VAV2: variants seen among roughly 807,000 people sequenced by gnomAD.
The protein encoded by VAV2 is vav guanine nucleotide exchange factor 2, also known as guanine nucleotide exchange factor VAV2.
In VAV2, 67 loss-of-function variants were observed where a neutral mutation model predicts 132.5. That is an observed-to-expected ratio of 0.51 (90% CI 0.42 to 0.62). The LOEUF (loss-of-function observed/expected upper bound fraction) is 0.62, where lower values mean the gene tolerates loss of function less well. Among genes scored for constraint, VAV2 ranks in the 20% least tolerant of loss-of-function variants. The pLI is 0.00. For missense variants in VAV2, 938 were observed against 1,153.6 expected, an observed-to-expected ratio of 0.81 and a Z score of 2.71; for synonymous variants, 492 against 443.5, an observed-to-expected ratio of 1.11 and a Z score of -1.37.
At chr9:133,795,828 C>G in intron 11 of VAV2, 92 bp from the exon 12 acceptor site, 3 of 1,432,064 alleles carry the variant, frequency 2.1e-6, no homozygotes, top group Non-Finnish European at 2.9e-6. Context: ...TGCACAGAAC[C>G]AAGTCCTCAG....
At chr9:133,871,687 G>T (rs562805515) in intron 2 of VAV2, among the ~76,000 whole-genome samples, 1 of 152,222 alleles carries the variant, frequency 6.6e-6, no homozygotes, top group South Asian at 2.1e-4. Context: ...TAATGGTGGG[G>T]GGTCCCAACC....
chr9:133,769,645 G>A lies in VAV2; in HGVS notation c.2348-142C>T. 1.2e-6 allele frequency: 1 copy of A among 846,790 alleles called. No homozygotes were observed. The highest frequency in any genetic ancestry group is 1.8e-5 in the South Asian group (1 of 56,552). The allele number at this position is 846,790 out of a possible 1,614,324, so 52.5% of individuals were successfully genotyped here. A position where few individuals can be genotyped will look rare whatever the true frequency, so the allele number is the denominator to read the frequency against. ...CCCTACAGGGGGGCAAAGGAGGCAG[G>A]GGGCAGCACGGGTTGTCAAGCCCCA... On this transcript the variant is annotated intron_variant, in intron 27 of 29. Transcript: ENST00000371850. This position sits in a 1 kb window ranked among gnomAD's most constrained non-coding sequence, Gnocchi z 8.1.
intron 2 of VAV2, among the ~76,000 whole-genome samples, chr9:133,882,757 G>A (rs561468708): frequency 1.1e-4 from 17 of 152,264 alleles, no homozygotes; most frequent in African/African-American, 3.6e-4. Flanking sequence ...CAAACACAGC[G>A]CTCAGCCCTT....
chr9:133,806,201 T>C lies in VAV2; in HGVS notation c.736-20A>G. ...CAGGTCCTGGGTTGAAAACCAGCCG[T>C]GAGTGCCTGGCCAGGCCCACCCAAG... On this transcript the variant is annotated intron_variant, in intron 8 of 29. Coordinates refer to ENST00000371850, the MANE Select transcript of VAV2 (RefSeq NM_001134398.2). The C allele has an allele frequency of 1.9e-6, 3 of 1,605,432 alleles. No homozygotes were observed. Among genetic ancestry groups the C allele is most frequent in the Non-Finnish European group, 2.5e-6 (3 of 1,176,634 alleles).
chr9:133,949,580 G>A, intron 1 of VAV2, among the ~76,000 whole-genome samples: 1 of 152,164 alleles, frequency 6.6e-6, no homozygotes, highest in East Asian at 1.9e-4. Context: ...CGAATGGCGG[G>A]TCACCTGCTC....
In VAV2 at chr9:133,764,005, T is replaced by C. The variant is rs1325091807; in HGVS notation, c.*57A>G. 6.2e-7 allele frequency: 1 copy of C among 1,604,568 alleles called. No homozygotes were observed. The highest frequency in any genetic ancestry group is 8.5e-7 in the Non-Finnish European group (1 of 1,171,566). On this transcript the variant is annotated 3_prime_UTR_variant, in exon 30 of 30. Transcript: ENST00000371850. ...GTCACAGAGGAGCTAGAGACAGACT[T>C]CAGGGCTGGAGTGACTCTCCCAAGA...
At chr9:133,904,585 A>G (rs956605158) in intron 2 of VAV2, among the ~76,000 whole-genome samples, 25 of 152,390 alleles carry the variant, frequency 1.6e-4, no homozygotes, top group African/African-American at 5.8e-4. Flanking sequence ...GCACGTGGGC[A>G]CAGGCATGCA....
In VAV2 at chr9:133,824,964, C is replaced by A. The variant is rs1835927941; in HGVS notation, c.449+9308G>T. Among the ~76,000 whole-genome samples, 1 of 152,220 alleles carries A rather than the reference C, an allele frequency of 6.6e-6. No individual in the cohort carries two copies. The highest frequency in any genetic ancestry group is 2.4e-5 in the African/African-American group (1 of 41,458). On this transcript the variant is annotated intron_variant, in intron 4 of 29. Coordinates refer to ENST00000371850, the MANE Select transcript of VAV2 (RefSeq NM_001134398.2). This position sits in a 1 kb window ranked among gnomAD's most constrained non-coding sequence, Gnocchi z 5.2. ...TCCGGGGACGCTGGCTTCATTCACT[C>A]CATTCTGCCAGTCCCCACAGAGGCC...
chr9:133,820,662 G>A (rs1835752777), intron 4 of VAV2, among the ~76,000 whole-genome samples: 1 of 152,136 alleles, frequency 6.6e-6, no homozygotes, highest in Non-Finnish European at 1.5e-5. Context: ...GGTGACACAC[G>A]GCCAGTCTCA....
chr9:133,895,019 G>A (rs770164490), intron 2 of VAV2, among the ~76,000 whole-genome samples: 13 of 151,940 alleles, frequency 8.6e-5, no homozygotes, highest in Non-Finnish European at 1.5e-4. Flanking sequence ...TCTGAAGATC[G>A]CGTGGGGGGC....
rs370424459 is a variant in VAV2, at chr9:133,788,411, G to A, written c.1350C>T (p.Ile450=). 307 of 1,612,348 alleles carry A rather than the reference G, an allele frequency of 1.9e-4. 1 individual carries two copies. The highest frequency in any genetic ancestry group is 3.3e-4 in the Middle Eastern group (2 of 6,054). ...CGGTCATCTTGTGGAACAGCAGCTCGATGATCTCCTTGAGCTCGTAGCTGT... is the reference window on the plus strand; with the variant it reads ...CGGTCATCTTGTGGAACAGCAGCTCAATGATCTCCTTGAGCTCGTAGCTGT... ...KGYSYELKEI[I]ELLFHKMTDD... The change falls in exon 15 of 30, where the codon ATC becomes ATT. Residue 450 remains isoleucine (I), a synonymous_variant. Transcript: ENST00000371850. This position sits in a 1 kb window ranked among gnomAD's most constrained non-coding sequence, Gnocchi z 5.3.
Position 133,833,607 on chromosome 9 carries a change from C to T in VAV2, c.449+665G>A, listed in dbSNP as rs552896354. 6.6e-6 allele frequency among the ~76,000 whole-genome samples: 1 copy of T among 152,270 alleles called. No individual in the cohort carries two copies. Among genetic ancestry groups the T allele is most frequent in the African/African-American group, 2.4e-5 (1 of 41,556 alleles). On this transcript the variant is annotated intron_variant, in intron 4 of 29. Transcript: ENST00000371850. The surrounding 1 kb of genome is among the most constrained non-coding windows in gnomAD (Gnocchi z 5.6). ...CCCTCACCTGCAGGTGAGGCCCCTT[C>T]CTCCTACCCTCCTACCTCCCTCCTC... is the stretch of plus-strand genomic sequence containing the variant.
At chr9:133,784,294 C>T (rs1245606673) in intron 18 of VAV2, 23 bp downstream of exon 18, 1 of 1,609,718 alleles carries the variant, frequency 6.2e-7, no homozygotes, top group Admixed American at 1.7e-5. Context: ...GAGGTGAGGG[C>T]TGTAGCAGGG....
intron 1 of VAV2, among the ~76,000 whole-genome samples, chr9:133,956,699 G>A (rs1588168714): frequency 6.6e-6 from 1 of 152,214 alleles, no homozygotes; most frequent in Non-Finnish European, 1.5e-5. Flanking sequence ...CAGAGCACCA[G>A]GGGGCGAGGG....
intron 1 of VAV2, among the ~76,000 whole-genome samples, chr9:133,979,289 T>C (rs141737749): frequency 2.3e-4 from 35 of 152,066 alleles, no homozygotes; most frequent in African/African-American, 6.0e-4. Context: ...GAATGCAGGG[T>C]CCAGAGAGGC....
Position 133,992,101 on chromosome 9 carries a change from T to A in VAV2, c.178A>T (p.Ile60Phe). 6.3e-7 allele frequency: 1 copy of A among 1,583,312 alleles called. No homozygotes were observed. Among genetic ancestry groups the A allele is most frequent in the Non-Finnish European group, 8.6e-7 (1 of 1,166,120 alleles). ...LSPGSIDLKD[I>F]NFRPQMSQFL... ...TGGGACATCTGCGGCCGGAAGTTGA[T>A]GTCCTTGAGGTCGATGGAGCCGGGG... The change falls in exon 1 of 30, where the codon ATC becomes TTC. Residue 60 changes from isoleucine (I) to phenylalanine (F), a missense_variant. Coordinates refer to ENST00000371850, the MANE Select transcript of VAV2 (RefSeq NM_001134398.2). The surrounding 1 kb of genome is among the most constrained non-coding windows in gnomAD (Gnocchi z 5.5).
intron 3 of VAV2, among the ~76,000 whole-genome samples, chr9:133,855,554 C>T (rs930351598): frequency 3.3e-5 from 5 of 152,170 alleles, no homozygotes; most frequent in African/African-American, 7.2e-5. Flanking sequence ...CTCCGTATCC[C>T]GGGAGGGCAC....
At chr9:133,920,024 C>A (rs1320480731) in intron 2 of VAV2, among the ~76,000 whole-genome samples, 1 of 152,182 alleles carries the variant, frequency 6.6e-6, no homozygotes, top group African/African-American at 2.4e-5. Context: ...CAGGCCTGGG[C>A]GTGGGCCCCA....
rs1835068052 is a variant in VAV2, at chr9:133,804,744, C to T, written c.836+1337G>A. Among the ~76,000 whole-genome samples, 1 of 152,240 alleles carries T rather than the reference C, an allele frequency of 6.6e-6. No individual in the cohort carries two copies. On this transcript the variant is annotated intron_variant, in intron 9 of 29. Coordinates refer to ENST00000371850, the MANE Select transcript of VAV2 (RefSeq NM_001134398.2). This position sits in a 1 kb window ranked among gnomAD's most constrained non-coding sequence, Gnocchi z 4.5. ...GTGTGACCTGCCAGCCGGGCACTAT[C>T]AGCTCACCCACAGATGAAGGGAACA...
Sources: allele counts gnomAD v4.1 joint callset (sites outside exome capture counted in the v4.1 genomes callset), GRCh38; gene constraint gnomAD v4.1.1; non-coding constraint Gnocchi (gnomAD v3.1); transcripts MANE v1.5; gene names NCBI Gene and HGNC (gene_info 2026-07-23, HGNC 2026-07-21).